STK3: variants seen among roughly 807,000 people sequenced by gnomAD.
STK3 encodes the protein serine/threonine-protein kinase 3.
In STK3, 41 loss-of-function variants were observed where a neutral mutation model predicts 58.0. The ratio of observed to expected loss-of-function variants is 0.71; its 90% CI spans 0.55 to 0.92. The LOEUF (loss-of-function observed/expected upper bound fraction) is 0.92. STK3 is among the 40% of genes least tolerant of loss of function. STK3 has a pLI of 0.00. For missense variants in STK3, 479 were observed against 602.7 expected (o/e 0.79, Z 2.15); for synonymous variants, 170 against 191.0 (o/e 0.89, Z 0.91).
chr8:98,344,750 G>A, the STK3 span, among the ~76,000 whole-genome samples: 2 of 151,226 alleles, frequency 1.3e-5, no homozygotes, highest in African/African-American at 4.8e-5. Context: ...AAAATTAGCC[G>A]GGCGTAGTGG....
chr8:98,456,428 T>C (rs562579143), intron 10 of STK3, among the ~76,000 whole-genome samples: 1 of 152,342 alleles, frequency 6.6e-6, no homozygotes, highest in African/African-American at 2.4e-5. Flanking sequence ...CTCAAGAATG[T>C]GACAAGACTG....
chr8:98,759,283 G>T (rs188180411), intron 3 of STK3, among the ~76,000 whole-genome samples: 19 of 152,262 alleles, frequency 1.2e-4, no homozygotes, highest in Non-Finnish European at 2.5e-4. Flanking sequence ...GACCATTGTA[G>T]AATTACTAAT....
intron 1 of STK3, among the ~76,000 whole-genome samples, chr8:98,917,755 T>C (rs1230307961): frequency 6.6e-6 from 1 of 152,166 alleles, no homozygotes; most frequent in African/African-American, 2.4e-5. Flanking sequence ...ACATCATCCA[T>C]CTTGGAAGAA....
chr8:98,541,088 T>C lies in STK3; in HGVS notation c.1141+6881A>G, dbSNP rs183147475. Among the ~76,000 whole-genome samples, 821 of 152,322 alleles carry C rather than the reference T, an allele frequency of 5.4e-3. 9 individuals are homozygous for C. The highest frequency in any genetic ancestry group is 0.018 in the African/African-American group (745 of 41,576). On this transcript the variant is annotated intron_variant, in intron 9 of 10. Transcript: ENST00000419617. The stretch of plus-strand genomic sequence containing the variant: ...GTAGTTGTTCCTTATATGCTCACTT[T>C]TGTGGTGTTGTGGGAGTCACTCTTG...
At chr8:98,849,904 G>A (rs1836379696) in intron 3 of STK3, among the ~76,000 whole-genome samples, 1 of 152,080 alleles carries the variant, frequency 6.6e-6, no homozygotes, top group Non-Finnish European at 1.5e-5. Flanking sequence ...TACACACTAG[G>A]TATGGCATGA....
intron 1 of STK3, among the ~76,000 whole-genome samples, chr8:98,801,472 G>A (rs1034035024): frequency 1.3e-5 from 2 of 152,098 alleles, no homozygotes; most frequent in African/African-American, 4.8e-5. Context: ...TTTATGAGCT[G>A]TAACACTCAC....
At chr8:98,893,477 A>AGG (rs1838305614) in intron 1 of STK3, among the ~76,000 whole-genome samples, 1 of 63,414 alleles carries the variant, frequency 1.6e-5, no homozygotes, top group Admixed American at 1.5e-4. Flanking sequence ...AAAGAAAGAA[A>AGG]GAAAGAAAGA....
At chr8:98,560,629 C>T (rs990098822) in intron 8 of STK3, among the ~76,000 whole-genome samples, 23 of 152,122 alleles carry the variant, frequency 1.5e-4, no homozygotes, top group African/African-American at 5.3e-4. Flanking sequence ...GTATAGATTT[C>T]ATTCAATCCC....
chr8:98,731,446 G>T, intron 4 of STK3, among the ~76,000 whole-genome samples: 1 of 152,250 alleles, frequency 6.6e-6, no homozygotes, highest in Non-Finnish European at 1.5e-5. Context: ...GGGGCCGGGC[G>T]CAGTGGCTCA....
At chr8:98,504,858 A>G (rs935668882) in intron 10 of STK3, among the ~76,000 whole-genome samples, 1 of 152,098 alleles carries the variant, frequency 6.6e-6, no homozygotes, top group East Asian at 1.9e-4. Context: ...GAATCTGACA[A>G]TTATGTGTCT....
At chr8:98,901,465 G>A (rs1311914749) in intron 1 of STK3, among the ~76,000 whole-genome samples, 2 of 152,234 alleles carry the variant, frequency 1.3e-5, no homozygotes, top group Non-Finnish European at 2.9e-5. Flanking sequence ...GGTGAAAGGG[G>A]AGAGAAAAAG....
At chr8:98,700,683 A>G (rs1197328253) in intron 6 of STK3, among the ~76,000 whole-genome samples, 2 of 152,236 alleles carry the variant, frequency 1.3e-5, no homozygotes, top group African/African-American at 4.8e-5. Context: ...TTTTAAAGTT[A>G]TAAACATTCA....
Position 98,583,830 on chromosome 8 carries a change from TAA to T in STK3, c.823-4043_823-4042del, listed in dbSNP as rs901257841. Among the ~76,000 whole-genome samples, 10 of 150,782 alleles carry T rather than the reference TAA, an allele frequency of 6.6e-5. No individual in the cohort carries two copies. In the South Asian group the frequency reaches 8.7e-4, roughly 13 times the overall value. ...AAGCTCAGGAAAATAAACCTATGGG[TAA>T]GAGAGAGAGTGTATGTGTGTGTGTG... On this transcript the variant is annotated intron_variant, in intron 7 of 10. Coordinates refer to ENST00000419617, the MANE Select transcript of STK3 (RefSeq NM_006281.4).
chr8:98,389,174 C>T (rs138019583), upstream of STK3, among the ~76,000 whole-genome samples: 9 of 152,322 alleles, frequency 5.9e-5, no homozygotes, highest in East Asian at 1.7e-3. Context: ...ATGGATGTCT[C>T]ACCTTTCCTT....
chr8:98,667,628 A>C (rs1249538980), intron 6 of STK3, among the ~76,000 whole-genome samples: 1 of 152,136 alleles, frequency 6.6e-6, no homozygotes, highest in African/African-American at 2.4e-5. Context: ...AGGCAAGTCA[A>C]AATAAGAAAA....
chr8:98,387,758 A>G (rs750325577), intron 1 of STK3, among the ~76,000 whole-genome samples: 25 of 152,138 alleles, frequency 1.6e-4, no homozygotes, highest in Non-Finnish European at 3.1e-4. Context: ...AAATAAATAA[A>G]TAAAAGACCT....
chr8:98,694,833 T>C (rs1016378126), intron 6 of STK3, among the ~76,000 whole-genome samples: 17 of 152,286 alleles, frequency 1.1e-4, no homozygotes, highest in African/African-American at 3.1e-4. Flanking sequence ...GTCTTTATAG[T>C]AGCATGATTT....
chr8:98,794,842 TG>T (rs1833023966), intron 1 of STK3, among the ~76,000 whole-genome samples: 1 of 151,244 alleles, frequency 6.6e-6, no homozygotes, highest in African/African-American at 2.4e-5. Flanking sequence ...CTAAGGCAGG[TG>T]GGTCACCTGA....
intron 7 of STK3, among the ~76,000 whole-genome samples, chr8:98,593,238 C>A (rs1370112971): frequency 1.3e-5 from 2 of 152,076 alleles, no homozygotes; most frequent in African/African-American, 2.4e-5. Flanking sequence ...AGGATCCTTC[C>A]CTTCTATGAT....
Sources: allele counts gnomAD v4.1 joint callset (sites outside exome capture counted in the v4.1 genomes callset), GRCh38; gene constraint gnomAD v4.1.1; transcripts MANE v1.5; gene names NCBI Gene and HGNC (gene_info 2026-07-23, HGNC 2026-07-21).